Variants in MPP3 observed in about 807,000 individuals in gnomAD.
MPP3 encodes MAGUK p55 subfamily member 3.
A neutral mutation model predicts 80.7 loss-of-function variants in MPP3; 48 were observed. The observed-to-expected ratio is 0.59, with a 90% CI of 0.47 to 0.76. The LOEUF is 0.76. Ranked by LOEUF, MPP3 falls within the 30% of genes least tolerant of loss-of-function variation. The pLI is 0.00. For missense variants in MPP3, 620 were observed against 763.0 expected (o/e 0.81, Z 2.21); for synonymous variants, 311 against 297.6 (o/e 1.04, Z -0.46).
rs565293684 is a variant in MPP3, at chr17:43,831,419, C to G, written c.145-98G>C. The G allele has an allele frequency of 9.2e-5, 130 of 1,406,830 alleles. No individual in the cohort carries two copies. The Middle Eastern group carries it at 1.1e-3, about 12-fold the overall frequency. The allele number at this position is 1,406,830 out of a possible 1,614,324, so 87.1% of individuals were successfully genotyped here. A position where few individuals can be genotyped will look rare whatever the true frequency, so the allele number is the denominator to read the frequency against. On this transcript the variant is annotated intron_variant, in intron 4 of 19. Coordinates refer to ENST00000398389, the MANE Select transcript of MPP3 (RefSeq NM_001932.6). ...GCAGCAGACTGGGCCACTGACAGGG[C>G]ACCATAAGAGAAAGTCCTGTGTAGT...
intron 10 of MPP3, 94 bp downstream of exon 10, chr17:43,823,837 G>T (rs1045110403): frequency 1.2e-6 from 1 of 845,134 alleles, no homozygotes; most frequent in African/African-American, 1.8e-5. Flanking sequence ...GTTCGCAAAT[G>T]ACTGTTACAA....
At chr17:43,816,539 G>A (rs1224939898) in intron 13 of MPP3, 138 bp downstream of exon 13, 1 of 835,024 alleles carries the variant, frequency 1.2e-6, no homozygotes, top group African/African-American at 1.7e-5. Context: ...CAGTCCAGCT[G>A]GCAGAGCAGG....
intron 7 of MPP3, 55 bp downstream of exon 7, chr17:43,829,599 G>T: frequency 1.9e-6 from 3 of 1,594,926 alleles, no homozygotes; most frequent in Non-Finnish European, 1.7e-6. Flanking sequence ...TGTTCTGGGT[G>T]GGGGTGAGAG....
At chr17:43,819,979 C>T (rs1466832833) in intron 11 of MPP3, among the ~76,000 whole-genome samples, 1 of 152,046 alleles carries the variant, frequency 6.6e-6, no homozygotes. Flanking sequence ...CAGGGTCTCA[C>T]TCTTACTCAG....
chr17:43,810,566 G>T (rs892518877), intron 18 of MPP3, among the ~76,000 whole-genome samples: 2 of 152,174 alleles, frequency 1.3e-5, no homozygotes, highest in Non-Finnish European at 2.9e-5. Context: ...ACTAGCCTGG[G>T]TCTGTGGGCC....
At chr17:43,817,886 C>A (rs77463683) in intron 12 of MPP3, 160 bp downstream of exon 12, 2 of 425,200 alleles carry the variant, frequency 4.7e-6, no homozygotes, top group East Asian at 1.3e-4. Flanking sequence ...AGCTGCCCCC[C>A]ACCTCCTACT....
intron 9 of MPP3, among the ~76,000 whole-genome samples, chr17:43,824,535 C>T (rs1450832555): frequency 6.6e-6 from 1 of 152,038 alleles, no homozygotes; most frequent in Non-Finnish European, 1.5e-5. Flanking sequence ...CCTTCACCCT[C>T]ATCTACAGAG....
chr17:43,815,210 T>C (rs940022744), intron 14 of MPP3, among the ~76,000 whole-genome samples: 3 of 151,896 alleles, frequency 2.0e-5, no homozygotes, highest in Admixed American at 1.3e-4. Flanking sequence ...CATGCACCTG[T>C]AGTCCCAGCT....
At chr17:43,821,207 A>C (rs959317918) in intron 10 of MPP3, 149 bp from the exon 11 acceptor site, 2 of 687,844 alleles carry the variant, frequency 2.9e-6, no homozygotes, top group Non-Finnish European at 2.5e-6. Flanking sequence ...AATACACTGC[A>C]CGTATGTTCT....
rs374905234 is a variant in MPP3 at position 43,814,274 on chromosome 17, G to A, written c.1097C>T (p.Pro366Leu). The A allele has an allele frequency of 9.3e-6, 15 of 1,612,978 alleles. No homozygotes were observed. The highest frequency in any genetic ancestry group is 4.5e-5 in the East Asian group (2 of 44,882). Reference sequence around the variant, plus strand: ...CACCTCTTCGTAAGTCAGCAGCTCCGGAGACTCAGCTCCGGAGGACATCTT... The same window carrying A: ...CACCTCTTCGTAAGTCAGCAGCTCCAGAGACTCAGCTCCGGAGGACATCTT... Reference protein sequence around the residue: ...EGKMSSGAESPELLTYEEVAR... With the variant: ...EGKMSSGAESLELLTYEEVAR... Residue 366 changes from proline (P) to leucine (L), a missense_variant, in exon 15 of 20, where the codon CCG becomes CTG. Physicochemically the swap from Pro to Leu is moderately conservative, Grantham distance 98. Transcript: ENST00000398389.
intron 7 of MPP3, among the ~76,000 whole-genome samples, 160 bp downstream of exon 7, chr17:43,829,494 G>A (rs532304278): frequency 2.0e-5 from 3 of 152,166 alleles, no homozygotes; most frequent in South Asian, 2.1e-4. Flanking sequence ...TAGAGAAAGG[G>A]GTGCCCTGCA....
At position 43,801,365 on chromosome 17, in the gene MPP3, C is replaced by G. The variant is rs888406714; in HGVS notation, c.*336G>C. The G allele has an allele frequency of 8.0e-6, 2 of 250,374 alleles. No individual in the cohort carries two copies. Among genetic ancestry groups the G allele is most frequent in the Admixed American group, 5.7e-5 (1 of 17,532 alleles). 15.5% of individuals were successfully genotyped at this position (250,374 alleles called of 1,614,324 possible). A position where few individuals can be genotyped will look rare whatever the true frequency, so the allele number is the denominator to read the frequency against. Reference sequence around the variant, plus strand: ...TAAAAAGCTTAAACATTCTGCGAATCAGTACTGTATAAATTAACCACTACC... The same window carrying G: ...TAAAAAGCTTAAACATTCTGCGAATGAGTACTGTATAAATTAACCACTACC... On this transcript the variant is annotated 3_prime_UTR_variant, in exon 20 of 20. Coordinates refer to ENST00000398389, the MANE Select transcript of MPP3 (RefSeq NM_001932.6).
chr17:43,826,844 T>C (rs1011306328), intron 8 of MPP3, among the ~76,000 whole-genome samples: 15 of 140,226 alleles, frequency 1.1e-4, no homozygotes, highest in South Asian at 4.3e-4. Context: ...TTTTTTTTTT[T>C]CTTTTTTTTT....
intron 10 of MPP3, among the ~76,000 whole-genome samples, chr17:43,822,053 G>A (rs1174486147): frequency 2.6e-5 from 4 of 152,168 alleles, no homozygotes; most frequent in Non-Finnish European, 5.9e-5. Context: ...TACTCATTTT[G>A]TCCTTTAGGA....
At position 43,818,081 on chromosome 17, in the gene MPP3, G is replaced by A. The variant is rs774859790; in HGVS notation, c.911C>T (p.Thr304Ile). Residue 304 changes from threonine to isoleucine, a missense_variant, in exon 12 of 20, where the codon ACC (threonine) becomes ATC (isoleucine). By Grantham distance (89) the Thr-to-Ile change is moderately conservative. Coordinates refer to ENST00000398389, the MANE Select transcript of MPP3 (RefSeq NM_001932.6). ...CCTGAGGCTCTGGGGGCTCGGCAGGGTGCCCGCGGCTCTCCGGTAGCTTAG... is the reference window on the plus strand; with the variant it reads ...CCTGAGGCTCTGGGGGCTCGGCAGGATGCCCGCGGCTCTCCGGTAGCTTAG... Reference protein sequence around the residue: ...RRLSYRRAAGTLPSPQSLRKP... With the variant: ...RRLSYRRAAGILPSPQSLRKP... 6.3e-7 allele frequency: 1 copy of A among 1,574,910 alleles called. No homozygotes were observed. Among genetic ancestry groups the A allele is most frequent in the Admixed American group, 1.8e-5 (1 of 55,890 alleles).
chr17:43,826,811 A>G (rs1394339163), intron 8 of MPP3, among the ~76,000 whole-genome samples: 2 of 145,144 alleles, frequency 1.4e-5, no homozygotes, highest in Non-Finnish European at 3.0e-5. Context: ...GTACTCCATG[A>G]CTATTTATAT....
chr17:43,809,572 T>C (rs538743473), intron 18 of MPP3, among the ~76,000 whole-genome samples: 1 of 152,280 alleles, frequency 6.6e-6, no homozygotes, highest in South Asian at 2.1e-4. Context: ...CATTTAAAAC[T>C]GTAGACTGTA....
At chr17:43,815,929 G>T in intron 14 of MPP3, 109 bp downstream of exon 14, 1 of 1,035,022 alleles carries the variant, frequency 9.7e-7, no homozygotes, top group Non-Finnish European at 1.4e-6. Context: ...AGGCTCCACT[G>T]CTCCAGAAGG....
intron 4 of MPP3, 37 bp from the exon 5 acceptor site, chr17:43,831,358 C>T (rs1047304594): frequency 1.9e-6 from 3 of 1,591,756 alleles, no homozygotes; most frequent in Non-Finnish European, 2.6e-6. Flanking sequence ...ACCCTGGACA[C>T]CACACATCCC....
Sources: allele counts gnomAD v4.1 joint callset (sites outside exome capture counted in the v4.1 genomes callset), GRCh38; gene constraint gnomAD v4.1.1; transcripts MANE v1.5; gene names NCBI Gene and HGNC (gene_info 2026-07-23, HGNC 2026-07-21).